The following TMEM217B variants were observed in gnomAD, a reference collection of about 807,000 sequenced individuals.
TMEM217B encodes the protein putative transmembrane protein 217B.
At chr6:37,224,576 T>A in the TMEM217B span, among the ~76,000 whole-genome samples, 1 of 150,934 alleles carries the variant, frequency 6.6e-6, no homozygotes, top group Non-Finnish European at 1.5e-5. Flanking sequence ...CCAGGCTGGG[T>A]GACAGAGCGA....
chr6:37,242,985 A>G, the TMEM217B span, among the ~76,000 whole-genome samples: 16 of 152,192 alleles, frequency 1.1e-4, no homozygotes, highest in Non-Finnish European at 2.4e-4. Flanking sequence ...CACATGGCAC[A>G]TGTAGCTGCA....
the TMEM217B span, among the ~76,000 whole-genome samples, chr6:37,252,589 ATGTG>A: frequency 1.7e-4 from 5 of 29,618 alleles, no homozygotes; most frequent in South Asian, 1.2e-3. Flanking sequence ...GTGTACGTGT[ATGTG>A]TGTGTGTGTG....
the TMEM217B span, chr6:37,212,841 G>T: frequency 8.5e-7 from 1 of 1,171,714 alleles, no homozygotes; most frequent in Non-Finnish European, 1.2e-6. Context: ...CCGACTTTGA[G>T]TCCACGTAGA....
chr6:37,252,495 T>TATGCATATATATATGCACACACAC, the TMEM217B span, among the ~76,000 whole-genome samples: 3 of 151,004 alleles, frequency 2.0e-5, no homozygotes, highest in Non-Finnish European at 4.4e-5. Flanking sequence ...CATATACATG[T>TATGCATATATATATGCACACACAC]ATGCATATAT....
At chr6:37,244,335 G>A in the TMEM217B span, among the ~76,000 whole-genome samples, 1 of 152,192 alleles carries the variant, frequency 6.6e-6, no homozygotes, top group African/African-American at 2.4e-5. Context: ...TTTCACCAGA[G>A]GCTGAAACCC....
the TMEM217B span, among the ~76,000 whole-genome samples, chr6:37,245,266 A>G: frequency 2.0e-4 from 31 of 152,346 alleles, no homozygotes; most frequent in African/African-American, 6.7e-4. Flanking sequence ...GGGTCACTGA[A>G]GACACTGCCA....
chr6:37,249,409 T>C, the TMEM217B span, among the ~76,000 whole-genome samples: 1 of 152,152 alleles, frequency 6.6e-6, no homozygotes, highest in Non-Finnish European at 1.5e-5. Flanking sequence ...AACCTCCACT[T>C]TCCAGGTTCA....
At chr6:37,216,140 G>T in the TMEM217B span, among the ~76,000 whole-genome samples, 1 of 152,030 alleles carries the variant, frequency 6.6e-6, no homozygotes, top group Non-Finnish European at 1.5e-5. Context: ...GTGCAGTGGT[G>T]CAATTATGGC....
At chr6:37,238,758 GGAGA>G in the TMEM217B span, among the ~76,000 whole-genome samples, 4 of 152,190 alleles carry the variant, frequency 2.6e-5, no homozygotes, top group Non-Finnish European at 5.9e-5. Flanking sequence ...AACATGAAAG[GGAGA>G]GACTTACTTT....
the TMEM217B span, among the ~76,000 whole-genome samples, chr6:37,248,848 A>T: frequency 6.6e-6 from 1 of 152,198 alleles, no homozygotes; most frequent in Non-Finnish European, 1.5e-5. Flanking sequence ...AGTGGCATAA[A>T]ACAATAGAAA....
chr6:37,244,296 C>T, the TMEM217B span, among the ~76,000 whole-genome samples: 1 of 152,250 alleles, frequency 6.6e-6, no homozygotes, highest in Non-Finnish European at 1.5e-5. Flanking sequence ...TGTCAGATTT[C>T]TCTTACTGTC....
the TMEM217B span, among the ~76,000 whole-genome samples, chr6:37,216,030 T>TGAGA: frequency 0.013 from 1,731 of 128,240 alleles, 27 homozygotes; most frequent in Middle Eastern, 0.079. Flanking sequence ...TGTGTGTGTG[T>TGAGA]GTGAGAAACA....
the TMEM217B span, chr6:37,218,927 T>C: frequency 6.2e-7 from 1 of 1,614,212 alleles, no homozygotes; most frequent in Non-Finnish European, 8.5e-7. Context: ...CCCTAGGTGC[T>C]TCTGTTCAAA....
the TMEM217B span, chr6:37,218,067 GA>G: frequency 3.7e-4 from 373 of 1,004,852 alleles, 1 homozygote; most frequent in African/African-American, 5.7e-3. Flanking sequence ...AAAGTGGGGG[GA>G]AAAAAGGAAA....
chr6:37,222,689 A>G, the TMEM217B span, among the ~76,000 whole-genome samples: 1 of 152,166 alleles, frequency 6.6e-6, no homozygotes, highest in African/African-American at 2.4e-5. Context: ...GCACAGCCAC[A>G]GTTTGGGCAG....
chr6:37,213,512 A>G, the TMEM217B span, among the ~76,000 whole-genome samples: 1 of 152,244 alleles, frequency 6.6e-6, no homozygotes, highest in African/African-American at 2.4e-5. Context: ...CCTTGTCCCA[A>G]GTCACAGGGT....
the TMEM217B span, among the ~76,000 whole-genome samples, chr6:37,237,767 G>A: frequency 6.6e-6 from 1 of 152,048 alleles, no homozygotes; most frequent in Non-Finnish European, 1.5e-5. Flanking sequence ...AGTGAAAAAA[G>A]TACTAAAGAC....
chr6:37,252,977 AAAG>A, the TMEM217B span, among the ~76,000 whole-genome samples: 1 of 152,156 alleles, frequency 6.6e-6, no homozygotes, highest in African/African-American at 2.4e-5. Flanking sequence ...CGGTAACATT[AAAG>A]AAAAGTTCCA....
the TMEM217B span, chr6:37,258,072 GA>G: frequency 7.2e-7 from 1 of 1,384,954 alleles, no homozygotes. Flanking sequence ...GAGGCCAGAA[GA>G]CTGGTTTGGG....
Sources: allele counts gnomAD v4.1 joint callset (sites outside exome capture counted in the v4.1 genomes callset), GRCh38; gene constraint gnomAD v4.1.1; transcripts MANE v1.5; gene names NCBI Gene and HGNC (gene_info 2026-07-23, HGNC 2026-07-21).